CSMD1: variants seen among roughly 807,000 people sequenced by gnomAD.
CSMD1 encodes the protein CUB and Sushi multiple domains 1, also known as CUB and sushi domain-containing protein 1.
Under a neutral mutation model 417.5 loss-of-function variants are expected in CSMD1, and 213 were observed. The observed-to-expected ratio is 0.51, with a 90% CI of 0.46 to 0.57. The LOEUF is 0.57. Ranked by LOEUF, CSMD1 falls within the 20% of genes least tolerant of loss-of-function variation. CSMD1 has a pLI of 0.00. For missense variants in CSMD1, 6,923 were observed against 4,529.7 expected (o/e 1.53, Z -15.17); for synonymous variants, 2,862 against 1,736.8 (o/e 1.65, Z -16.11).
intron 2 of CSMD1, among the ~76,000 whole-genome samples, chr8:4,614,320 C>A (rs1018126931): frequency 6.6e-6 from 1 of 152,108 alleles, no homozygotes; most frequent in Non-Finnish European, 1.5e-5. Flanking sequence ...TGTAGAAAAT[C>A]CTGTCTTGAA....
intron 7 of CSMD1, among the ~76,000 whole-genome samples, chr8:3,656,996 T>A (rs534514095): frequency 1.3e-5 from 2 of 151,804 alleles, no homozygotes; most frequent in Non-Finnish European, 2.9e-5. Flanking sequence ...GACATGGGGA[T>A]GTGACCCACT....
At chr8:4,542,111 A>C (rs1380381070) in intron 2 of CSMD1, among the ~76,000 whole-genome samples, 1 of 152,068 alleles carries the variant, frequency 6.6e-6, no homozygotes, top group Non-Finnish European at 1.5e-5. Context: ...ATTTCTGGAC[A>C]ATGAACTCAA....
At position 3,491,034 on chromosome 8, in the gene CSMD1, A is replaced by C. The variant is rs1049253067; in HGVS notation, c.1448+2589T>G. Among the ~76,000 whole-genome samples the C allele has an allele frequency of 2.0e-5, 3 of 152,312 alleles. 1 individual carries two copies. In the South Asian group the frequency reaches 6.2e-4, roughly 32 times the overall value. ...TAAATGAAGATGCCTCTTCATCCCC[A>C]AATTCCTCAATGGAAATGTTCCTGA... On this transcript the variant is annotated intron_variant, in intron 11 of 69. Coordinates refer to ENST00000635120, the MANE Select transcript of CSMD1 (RefSeq NM_033225.6).
In CSMD1 at chr8:3,307,063, CCTGCACA is replaced by C. The variant is rs1804917484; in HGVS notation, c.3950+625_3950+631del. Among the ~76,000 whole-genome samples the C allele has an allele frequency of 1.3e-5, 2 of 152,122 alleles. 1 individual carries two copies. Among genetic ancestry groups the C allele is most frequent in the South Asian group, 4.2e-4 (2 of 4,818 alleles). On this transcript the variant is annotated intron_variant, in intron 25 of 69. Transcript: ENST00000635120. ...CAAAATGACACACATTGCTCCCATCCCTGCACACAAGTCTTTTTAAAATATGACTTTG... is the reference window on the plus strand; with the variant it reads ...CAAAATGACACACATTGCTCCCATCCCAAGTCTTTTTAAAATATGACTTTG...
At chr8:3,047,087 A>G (rs1811499511) in intron 50 of CSMD1, among the ~76,000 whole-genome samples, 1 of 151,928 alleles carries the variant, frequency 6.6e-6, no homozygotes, top group African/African-American at 2.4e-5. Context: ...GGGTGCCTGT[A>G]ATCCCAGCTA....
intron 1 of CSMD1, among the ~76,000 whole-genome samples, chr8:4,745,772 C>G (rs1413175565): frequency 6.6e-6 from 1 of 152,166 alleles, no homozygotes; most frequent in Non-Finnish European, 1.5e-5. Context: ...TAGGAACACG[C>G]ATTTTTGAAC....
At chr8:4,736,419 G>T (rs1173797604) in intron 1 of CSMD1, among the ~76,000 whole-genome samples, 1 of 152,110 alleles carries the variant, frequency 6.6e-6, no homozygotes, top group East Asian at 1.9e-4. Context: ...AGAAATTGGT[G>T]AATGAATTTG....
intron 3 of CSMD1, among the ~76,000 whole-genome samples, chr8:4,082,721 G>A (rs975487249): frequency 6.0e-5 from 9 of 150,376 alleles, no homozygotes; most frequent in African/African-American, 2.0e-4. Context: ...CCATTAACTC[G>A]TCATTTAGCA....
chr8:4,811,515 G>T (rs1033204309), intron 1 of CSMD1, among the ~76,000 whole-genome samples: 1 of 152,144 alleles, frequency 6.6e-6, no homozygotes, highest in East Asian at 1.9e-4. Context: ...GCAATGTATT[G>T]CTGCCATAGA....
chr8:4,632,037 T>C (rs564065592), intron 2 of CSMD1, among the ~76,000 whole-genome samples: 3 of 152,322 alleles, frequency 2.0e-5, no homozygotes, highest in African/African-American at 7.2e-5. Flanking sequence ...ACGTCAATTG[T>C]TTCTGATTTG....
chr8:3,658,895 C>T (rs1383376056), intron 7 of CSMD1, among the ~76,000 whole-genome samples: 1 of 152,128 alleles, frequency 6.6e-6, no homozygotes, highest in Non-Finnish European at 1.5e-5. Context: ...TCTGTTTTGC[C>T]ATTTCAATTA....
At chr8:4,798,374 G>C (rs1455270352) in intron 1 of CSMD1, among the ~76,000 whole-genome samples, 2 of 152,128 alleles carry the variant, frequency 1.3e-5, no homozygotes, top group African/African-American at 2.4e-5. Flanking sequence ...GTATTCCATG[G>C]TGTATATGTG....
At chr8:3,860,406 A>C (rs560814221) in intron 5 of CSMD1, among the ~76,000 whole-genome samples, 1 of 152,318 alleles carries the variant, frequency 6.6e-6, no homozygotes, top group Non-Finnish European at 1.5e-5. Flanking sequence ...AAATGGACTC[A>C]ATGTTTCTAT....
At chr8:4,413,657 G>A (rs1362512509) in intron 3 of CSMD1, among the ~76,000 whole-genome samples, 1 of 152,060 alleles carries the variant, frequency 6.6e-6, no homozygotes, top group Non-Finnish European at 1.5e-5. Flanking sequence ...TACACGCAAT[G>A]GTGTACCGCG....
chr8:3,772,083 G>A (rs371618684), intron 5 of CSMD1, among the ~76,000 whole-genome samples: 71 of 150,434 alleles, frequency 4.7e-4, no homozygotes, highest in African/African-American at 1.6e-3. Flanking sequence ...CAATCCAGGC[G>A]GTTGATATTA....
chr8:3,339,156 G>C (rs958821799), intron 23 of CSMD1, among the ~76,000 whole-genome samples: 2 of 152,000 alleles, frequency 1.3e-5, no homozygotes, highest in African/African-American at 4.8e-5. Flanking sequence ...CCCTACAAAG[G>C]ACATGAACTC....
Position 3,265,016 on chromosome 8 carries a change from G to T in CSMD1, c.4153+19128C>A, listed in dbSNP as rs186585715. On this transcript the variant is annotated intron_variant, in intron 26 of 69. Transcript: ENST00000635120. ...AGCTGTATTTTAACCACCTCTGTGA[G>T]AATTTAAATTATATGGGAAAAGCAT... Among the ~76,000 whole-genome samples, 18 of 152,276 alleles carry T rather than the reference G, an allele frequency of 1.2e-4. No individual in the cohort carries two copies. In the East Asian group the frequency reaches 3.3e-3, roughly 28 times the overall value.
intron 26 of CSMD1, among the ~76,000 whole-genome samples, chr8:3,250,339 G>C (rs1276746233): frequency 6.6e-6 from 1 of 152,146 alleles, no homozygotes; most frequent in South Asian, 2.1e-4. Flanking sequence ...ATAGTTTGCT[G>C]AGAATGATGG....
chr8:3,758,861 C>A (rs528619639), intron 5 of CSMD1, among the ~76,000 whole-genome samples: 2 of 151,960 alleles, frequency 1.3e-5, no homozygotes, highest in African/African-American at 4.8e-5. Context: ...TTGAGTGGGC[C>A]CAATGTAATG....
Sources: gnomAD v4.1 joint callset for allele counts (sites outside exome capture counted in the v4.1 genomes callset) on GRCh38, gnomAD v4.1.1 for gene constraint, MANE v1.5 for transcripts, NCBI Gene and HGNC (gene_info 2026-07-23, HGNC 2026-07-21) for gene names.